Variants in IL1RAPL1 observed in about 807,000 individuals in gnomAD.
The protein encoded by IL1RAPL1 is interleukin-1 receptor accessory protein-like 1.
IL1RAPL1 carries 3 observed loss-of-function variants against 48.4 expected under a neutral mutation model. That is an observed-to-expected ratio of 0.06 (90% CI 0.03 to 0.16). The LOEUF is 0.16. Among genes scored for constraint, IL1RAPL1 ranks in the 10% least tolerant of loss-of-function variants. IL1RAPL1 has a pLI of 1.00. For synonymous variants in IL1RAPL1, 185 were observed against 187.7 expected (o/e 0.99, Z 0.12); for missense variants, 349 against 530.6 (o/e 0.66, Z 3.36).
At chrX:29,593,924 A>G (rs888285142) in intron 5 of IL1RAPL1, among the ~76,000 whole-genome samples, 3 of 112,195 alleles carry the variant, frequency 2.7e-5, no homozygotes, top group African/African-American at 9.7e-5. Context: ...ATCCAAAGCA[A>G]TGAGAGAACA....
At chrX:28,821,482 C>T (rs917652099) in intron 2 of IL1RAPL1, among the ~76,000 whole-genome samples, 4 of 111,500 alleles carry the variant, frequency 3.6e-5, no homozygotes, top group African/African-American at 1.3e-4. Context: ...AGACATTTCT[C>T]AGTGTACTAG....
At chrX:29,802,940 T>C (rs1433244582) in intron 6 of IL1RAPL1, among the ~76,000 whole-genome samples, 17 of 94,856 alleles carry the variant, frequency 1.8e-4, no homozygotes, top group African/African-American at 6.3e-4. Flanking sequence ...TATGTGTACA[T>C]ATGTATGCAT....
At chrX:29,299,125 T>C (rs1274758748) in intron 3 of IL1RAPL1, among the ~76,000 whole-genome samples, 1 of 110,866 alleles carries the variant, frequency 9.0e-6, no homozygotes, top group African/African-American at 3.3e-5. Context: ...TCTCCCATGC[T>C]GGACCCTTCC....
intron 6 of IL1RAPL1, among the ~76,000 whole-genome samples, chrX:29,791,576 C>G (rs1278132746): frequency 9.3e-6 from 1 of 107,009 alleles, no homozygotes; most frequent in Non-Finnish European, 1.9e-5. Flanking sequence ...GCATGAACCA[C>G]CATGCCTGGC....
At chrX:28,755,339 C>G (rs1045843918) in intron 1 of IL1RAPL1, among the ~76,000 whole-genome samples, 1 of 112,102 alleles carries the variant, frequency 8.9e-6, no homozygotes, top group Non-Finnish European at 1.9e-5. Flanking sequence ...GAAATTAGCT[C>G]TAAATGTGAT....
At chrX:29,543,003 C>T (rs1175005226) in intron 5 of IL1RAPL1, among the ~76,000 whole-genome samples, 2 of 111,264 alleles carry the variant, frequency 1.8e-5, no homozygotes, top group Non-Finnish European at 3.8e-5. Context: ...GGTCCAGAGG[C>T]CAAAAACTCA....
At chrX:29,774,416 CAAAG>C (rs1385352598) in intron 6 of IL1RAPL1, among the ~76,000 whole-genome samples, 1 of 110,998 alleles carries the variant, frequency 9.0e-6, no homozygotes, top group Admixed American at 9.7e-5. Flanking sequence ...TATAATTAGA[CAAAG>C]AAGTAATTAA....
intron 2 of IL1RAPL1, among the ~76,000 whole-genome samples, chrX:29,000,831 C>CT (rs34416836): frequency 0.21 from 19,604 of 95,196 alleles, 1,847 homozygotes; most frequent in East Asian, 0.46. Context: ...AAGTATAACT[C>CT]TTTTTTTTTT....
chrX:29,373,647 A>G (rs929523760), intron 3 of IL1RAPL1, among the ~76,000 whole-genome samples: 1 of 109,798 alleles, frequency 9.1e-6, no homozygotes, highest in Non-Finnish European at 1.9e-5. Flanking sequence ...TAGATTTTGG[A>G]TTTTATCAAA....
intron 9 of IL1RAPL1, among the ~76,000 whole-genome samples, chrX:29,944,175 G>C (rs189427679): frequency 9.0e-6 from 1 of 111,686 alleles, no homozygotes; most frequent in African/African-American, 3.3e-5. Flanking sequence ...ATATGTTAAT[G>C]TACAAGTTAT....
At position 28,771,937 on chromosome X, in the gene IL1RAPL1, C is replaced by CAAAAAAA. The variant is rs5901904; in HGVS notation, c.-24-17367_-24-17361dup. Among the ~76,000 whole-genome samples, 150 of 40,642 alleles carry CAAAAAAA rather than the reference C, an allele frequency of 3.7e-3. 1 individual carries two copies. The highest frequency in any genetic ancestry group is 4.4e-3 in the Non-Finnish European group (99 of 22,540). The allele number at this position is 40,642 out of a possible 115,157, so 35.3% of individuals were successfully genotyped here. A position where few individuals can be genotyped will look rare whatever the true frequency, so the allele number is the denominator to read the frequency against. ...TGGGCGACAGAGCGAGACTCCGTCT[C>CAAAAAAA]AAAAAAAAAAAAAAAAAAAAAAGAA... On this transcript the variant is annotated intron_variant, in intron 1 of 10. Transcript: ENST00000378993.
At chrX:29,239,804 A>T (rs914468285) in intron 2 of IL1RAPL1, among the ~76,000 whole-genome samples, 1 of 110,402 alleles carries the variant, frequency 9.1e-6, no homozygotes, top group African/African-American at 3.3e-5. Context: ...TCTTCTTCTA[A>T]TGTGGCCAGG....
intron 3 of IL1RAPL1, among the ~76,000 whole-genome samples, chrX:29,318,151 A>T (rs1932776599): frequency 8.9e-6 from 1 of 112,203 alleles, no homozygotes; most frequent in Admixed American, 9.5e-5. Flanking sequence ...TAGGTACAGC[A>T]TGCAACCACC....
chrX:28,848,628 T>C (rs2147295622), intron 2 of IL1RAPL1, among the ~76,000 whole-genome samples: 1 of 111,901 alleles, frequency 8.9e-6, no homozygotes, highest in East Asian at 2.8e-4. Flanking sequence ...TCGGCAATAT[T>C]GGTGCATAAT....
chrX:29,563,130 T>C (rs866765994), intron 5 of IL1RAPL1, among the ~76,000 whole-genome samples: 2 of 112,173 alleles, frequency 1.8e-5, no homozygotes, highest in South Asian at 3.7e-4. Context: ...TCTACCTAAG[T>C]ACAAAATAGA....
At chrX:28,875,666 T>G (rs1299349397) in intron 2 of IL1RAPL1, among the ~76,000 whole-genome samples, 1 of 111,130 alleles carries the variant, frequency 9.0e-6, no homozygotes, top group African/African-American at 3.3e-5. Context: ...CTTGGTGGCA[T>G]CCTCATGGTA....
intron 2 of IL1RAPL1, among the ~76,000 whole-genome samples, chrX:29,271,331 A>G (rs755375924): frequency 9.8e-5 from 11 of 112,095 alleles, no homozygotes; most frequent in Non-Finnish European, 1.5e-4. Flanking sequence ...ACATATGCAT[A>G]CATGTGTCTT....
intron 6 of IL1RAPL1, among the ~76,000 whole-genome samples, chrX:29,813,447 T>A (rs1250805036): frequency 8.9e-6 from 1 of 111,770 alleles, no homozygotes; most frequent in Non-Finnish European, 1.9e-5. Flanking sequence ...AGTAAGAGAA[T>A]CTAAAAAAAA....
intron 2 of IL1RAPL1, among the ~76,000 whole-genome samples, chrX:29,050,310 G>A (rs1046044621): frequency 1.8e-5 from 2 of 111,517 alleles, no homozygotes; most frequent in African/African-American, 6.5e-5. Context: ...TTGGTTATGG[G>A]TAACTCATCC....
Sources: gnomAD v4.1 joint callset for allele counts (sites outside exome capture counted in the v4.1 genomes callset) on GRCh38, gnomAD v4.1.1 for gene constraint, MANE v1.5 for transcripts, NCBI Gene and HGNC (gene_info 2026-07-23, HGNC 2026-07-21) for gene names.